MAP3K9: variants seen among roughly 807,000 people sequenced by gnomAD.
The protein encoded by MAP3K9 is mitogen-activated protein kinase kinase kinase 9.
MAP3K9 carries 46 observed loss-of-function variants against 95.8 expected under a neutral mutation model. The observed-to-expected ratio is 0.48, with a 90% CI of 0.38 to 0.61. The LOEUF (loss-of-function observed/expected upper bound fraction) is 0.61. MAP3K9 is among the 20% of genes least tolerant of loss of function. The pLI, the probability that MAP3K9 is intolerant of heterozygous loss-of-function variation, is 0.00. For synonymous variants in MAP3K9, 533 were observed against 593.8 expected (o/e 0.90, Z 1.49); for missense variants, 1,296 against 1,474.3 (o/e 0.88, Z 1.98).
rs540639382 is a variant in MAP3K9, at chr14:70,786,346, C to T, written c.820+14321G>A. ...TAACAATCCACTCCAGGATTCCCAT[C>T]TATCTCTCAGCGGGGATTCCTATCT... On this transcript the variant is annotated intron_variant, in intron 2 of 11. Transcript: ENST00000554752. 3.9e-5 allele frequency among the ~76,000 whole-genome samples: 6 copies of T among 152,294 alleles called. No individual in the cohort carries two copies. In the South Asian group the frequency reaches 1.2e-3, roughly 32 times the overall value.
chr14:70,765,532 G>T, intron 2 of MAP3K9: 1 of 651,072 alleles, frequency 1.5e-6, no homozygotes, highest in East Asian at 2.8e-5. Context: ...TATTTTTACT[G>T]TACCTTTTCT....
At chr14:70,739,924 G>C (rs770346696) in intron 7 of MAP3K9, 118 bp downstream of exon 7, 4 of 1,613,832 alleles carry the variant, frequency 2.5e-6, no homozygotes, top group East Asian at 4.5e-5. Flanking sequence ...ACACATTGTC[G>C]AGGAGAGGTG....
At chr14:70,786,774 T>G (rs1480261111) in intron 2 of MAP3K9, among the ~76,000 whole-genome samples, 2 of 152,192 alleles carry the variant, frequency 1.3e-5, no homozygotes, top group Admixed American at 6.5e-5. Context: ...TCCAGTAAGC[T>G]CTAATCATAT....
chr14:70,762,003 T>A (rs984079002), intron 2 of MAP3K9, among the ~76,000 whole-genome samples: 1 of 152,362 alleles, frequency 6.6e-6, no homozygotes, highest in East Asian at 1.9e-4. Flanking sequence ...GTAAATACAA[T>A]CATACAATAT....
rs536344246 is a variant in MAP3K9, at chr14:70,788,180, C to T, written c.820+12487G>A. Among the ~76,000 whole-genome samples the T allele has an allele frequency of 6.6e-5, 10 of 152,172 alleles. No homozygotes were observed. The South Asian group carries it at 1.9e-3, about 28-fold the overall frequency. The stretch of plus-strand genomic sequence containing the variant: ...TGTCCTATTTTTACCCATGTGTATC[C>T]ACTACATTTTGAATTTTTTAAATTC... On this transcript the variant is annotated intron_variant, in intron 2 of 11. Transcript: ENST00000554752.
intron 2 of MAP3K9, among the ~76,000 whole-genome samples, chr14:70,794,971 C>T (rs1329071798): frequency 2.3e-5 from 3 of 130,308 alleles, no homozygotes; most frequent in Non-Finnish European, 5.0e-5. Flanking sequence ...GCCACCGTGA[C>T]CAGCCTCTTT....
intron 3 of MAP3K9, among the ~76,000 whole-genome samples, chr14:70,759,401 C>T (rs749637990): frequency 6.6e-6 from 1 of 152,092 alleles, no homozygotes; most frequent in Non-Finnish European, 1.5e-5. Context: ...GAGATCATGC[C>T]ACTGCACTCC....
intron 3 of MAP3K9, among the ~76,000 whole-genome samples, chr14:70,758,487 G>A (rs2054326903): frequency 6.6e-6 from 1 of 152,150 alleles, no homozygotes; most frequent in Admixed American, 6.5e-5. Flanking sequence ...GAAAAAGTTT[G>A]GTGGTTCCTC....
chr14:70,807,427 T>C lies in MAP3K9; in HGVS notation c.406+1339A>G, dbSNP rs1026975955. On this transcript the variant is annotated intron_variant, in intron 1 of 11. Transcript: ENST00000554752. ...ATTGCTTGAACCCGGGAGGCAGAGG[T>C]TGCAGTGAGCTGAGATTGCACCACT... Among the ~76,000 whole-genome samples the C allele has an allele frequency of 4.0e-5, 6 of 151,780 alleles. No homozygotes were observed. The East Asian group carries it at 1.2e-3, about 29-fold the overall frequency.
intron 3 of MAP3K9, among the ~76,000 whole-genome samples, chr14:70,750,660 T>A (rs1296807927): frequency 6.6e-6 from 1 of 152,220 alleles, no homozygotes; most frequent in South Asian, 2.1e-4. Context: ...AATTTTTGTA[T>A]TTTTAGTAGA....
chr14:70,794,812 G>C (rs889361207), intron 2 of MAP3K9, among the ~76,000 whole-genome samples: 3 of 151,442 alleles, frequency 2.0e-5, no homozygotes, highest in African/African-American at 7.3e-5. Flanking sequence ...CAAGTAGCTT[G>C]AACTACAGGC....
At chr14:70,783,201 G>A (rs891734472) in intron 2 of MAP3K9, 1 of 909,984 alleles carries the variant, frequency 1.1e-6, no homozygotes, top group African/African-American at 1.8e-5. Flanking sequence ...CTAGAGTCAA[G>A]CATATAAAGC....
intron 6 of MAP3K9, among the ~76,000 whole-genome samples, chr14:70,741,619 T>C (rs560530876): frequency 6.6e-6 from 1 of 152,328 alleles, no homozygotes; most frequent in Non-Finnish European, 1.5e-5. Flanking sequence ...AAAGGTCACA[T>C]GTAAATCTTA....
In MAP3K9 at chr14:70,801,049, C is replaced by T; in HGVS notation, c.438G>A (p.Leu146=). ...AGCCCCCGATGCCAATAATCTCTTC[C>T]AAGGTGAGCTCCGCAAAATCAATTT... ...LLEIDFAELT[L]EEIIGIGGFG... is the part of the protein sequence containing the mutation. Residue 146 remains leucine (L), a synonymous_variant, in exon 2 of 12, where the codon TTG becomes TTA. Transcript: ENST00000554752. 1 of 1,612,320 alleles carries T rather than the reference C, an allele frequency of 6.2e-7. No individual in the cohort carries two copies. The highest frequency in any genetic ancestry group is 8.5e-7 in the Non-Finnish European group (1 of 1,178,568).
chr14:70,747,235 C>CA (rs1191529984), intron 5 of MAP3K9, among the ~76,000 whole-genome samples: 1 of 152,162 alleles, frequency 6.6e-6, no homozygotes, highest in African/African-American at 2.4e-5. Flanking sequence ...CCCCATGGGT[C>CA]ATGGGAGGGA....
intron 5 of MAP3K9, among the ~76,000 whole-genome samples, chr14:70,746,895 A>C (rs2054154720): frequency 6.6e-6 from 1 of 152,212 alleles, no homozygotes; most frequent in Non-Finnish European, 1.5e-5. Flanking sequence ...AAAAAACAAA[A>C]GGCCAGCAAC....
At position 70,726,047 on chromosome 14, in the gene MAP3K9, G is replaced by A. The variant is rs2053816702; in HGVS notation, c.*4333C>T. ...AATTCACACACCCAGGAAGTAGGCA[G>A]CTTTTATCACCAGGTTCCTGCCAAC... On this transcript the variant is annotated 3_prime_UTR_variant, in exon 12 of 12. Transcript: ENST00000554752. 1.3e-5 allele frequency: 2 copies of A among 152,316 alleles called. No individual in the cohort carries two copies. The highest frequency in any genetic ancestry group is 4.1e-4 in the South Asian group (2 of 4,830). 9.4% of individuals were successfully genotyped at this position (152,316 alleles called of 1,614,324 possible).
intron 2 of MAP3K9, among the ~76,000 whole-genome samples, chr14:70,786,776 T>C (rs1175353755): frequency 2.0e-5 from 3 of 152,352 alleles, no homozygotes; most frequent in East Asian, 3.9e-4. Flanking sequence ...CAGTAAGCTC[T>C]AATCATATCT....
chr14:70,749,110 C>T (rs1025965693), intron 4 of MAP3K9, 106 bp from the exon 5 acceptor site: 5 of 1,073,456 alleles, frequency 4.7e-6, no homozygotes, highest in Non-Finnish European at 6.7e-6. Flanking sequence ...CCTCTTACTT[C>T]TTCCAGAAAC....
Sources: gnomAD v4.1 joint callset for allele counts (sites outside exome capture counted in the v4.1 genomes callset) on GRCh38, gnomAD v4.1.1 for gene constraint, MANE v1.5 for transcripts, NCBI Gene and HGNC (gene_info 2026-07-23, HGNC 2026-07-21) for gene names.